BAZ1B: variants seen among roughly 807,000 people sequenced by gnomAD.
BAZ1B encodes the protein bromodomain adjacent to zinc finger domain 1B, also known as tyrosine-protein kinase BAZ1B.
In BAZ1B, 22 loss-of-function variants were observed where a neutral mutation model predicts 153.8. The observed-to-expected ratio is 0.14, with a 90% CI of 0.10 to 0.20. The LOEUF (loss-of-function observed/expected upper bound fraction) is 0.20. BAZ1B is among the 10% of genes least tolerant of loss of function. The probability of loss-of-function intolerance (pLI) is 1.00; values close to 1 mark genes in which losing one functional copy is unlikely to be tolerated. For missense variants in BAZ1B, 1,325 were observed against 1,799.3 expected (o/e 0.74, Z 4.77); for synonymous variants, 676 against 633.4 (o/e 1.07, Z -1.01).
intron 8 of BAZ1B, 126 bp downstream of exon 8, chr7:73,470,219 T>C: frequency 9.0e-7 from 1 of 1,116,086 alleles, no homozygotes; most frequent in Non-Finnish European, 1.3e-6. Flanking sequence ...TCAACAATTC[T>C]GTTTCCAAAA....
At chr7:73,488,184 G>A (rs1255720618) in intron 6 of BAZ1B, among the ~76,000 whole-genome samples, 1 of 152,138 alleles carries the variant, frequency 6.6e-6, no homozygotes, top group Non-Finnish European at 1.5e-5. Context: ...CAGCCAGTAT[G>A]CTGCGTTACA....
intron 10 of BAZ1B, 103 bp from the exon 11 acceptor site, chr7:73,465,640 A>G: frequency 1.5e-6 from 1 of 657,970 alleles, no homozygotes; most frequent in South Asian, 2.2e-5. Context: ...TTGGGAGAAC[A>G]GAATTCCAAA....
At position 73,450,109 on chromosome 7, in the gene BAZ1B, G is replaced by A. The variant is rs892072885; in HGVS notation, c.3581-420C>T. The stretch of plus-strand genomic sequence containing the variant: ...GTCACCCAGGCTGGAGTGCAGTGGC[G>A]CGATCTCGGCTCACTGCAACCTCCG... On this transcript the variant is annotated intron_variant, in intron 14 of 19. Coordinates refer to ENST00000339594, the MANE Select transcript of BAZ1B (RefSeq NM_032408.4). This position sits in a 1 kb window ranked among gnomAD's most constrained non-coding sequence, Gnocchi z 4.1. Among the ~76,000 whole-genome samples, 8 of 151,554 alleles carry A rather than the reference G, an allele frequency of 5.3e-5. No individual in the cohort carries two copies. Among genetic ancestry groups the A allele is most frequent in the Middle Eastern group, 3.4e-3 (1 of 294 alleles).
At chr7:73,508,184 T>A (rs1176723051) in intron 3 of BAZ1B, 143 bp downstream of exon 3, 3 of 882,756 alleles carry the variant, frequency 3.4e-6, no homozygotes, top group Non-Finnish European at 3.1e-6. Flanking sequence ...AACACACAAG[T>A]ATTAACGTAA....
chr7:73,516,326 T>C (rs1790797239), intron 1 of BAZ1B, among the ~76,000 whole-genome samples: 1 of 152,104 alleles, frequency 6.6e-6, no homozygotes, highest in South Asian at 2.1e-4. Context: ...GTTTTCTTTT[T>C]TCCCACCATT....
At chr7:73,454,637 A>G (rs551245187) in intron 13 of BAZ1B, among the ~76,000 whole-genome samples, 4 of 152,180 alleles carry the variant, frequency 2.6e-5, no homozygotes, top group Non-Finnish European at 5.9e-5. Flanking sequence ...TTTCAGTTCA[A>G]TCTGAACAGG....
intron 6 of BAZ1B, among the ~76,000 whole-genome samples, chr7:73,484,158 C>T (rs900999104): frequency 2.0e-5 from 3 of 151,912 alleles, no homozygotes; most frequent in Non-Finnish European, 4.4e-5. Flanking sequence ...CCCAGCTACT[C>T]GGGAGGCTGA....
chr7:73,470,543 T>C (rs1176297944), intron 7 of BAZ1B, 60 bp from the exon 8 acceptor site: 6 of 1,576,608 alleles, frequency 3.8e-6, no homozygotes, highest in Non-Finnish European at 5.2e-6. Flanking sequence ...CTCTTACAAA[T>C]TAAATAAAAT....
At chr7:73,473,583 T>C (rs1409338014) in intron 7 of BAZ1B, among the ~76,000 whole-genome samples, 1 of 152,130 alleles carries the variant, frequency 6.6e-6, no homozygotes. Context: ...AAAGTACACA[T>C]TACATATGTA....
chr7:73,517,998 T>G (rs190802584), intron 1 of BAZ1B, among the ~76,000 whole-genome samples: 2 of 152,200 alleles, frequency 1.3e-5, no homozygotes, highest in South Asian at 4.1e-4. Context: ...AACTCAAGAT[T>G]TGCTTTTTAC....
chr7:73,469,676 A>G, intron 8 of BAZ1B, 26 bp from the exon 9 acceptor site: 1 of 1,612,812 alleles, frequency 6.2e-7, no homozygotes, highest in Non-Finnish European at 8.5e-7. Context: ...AGTATTAATA[A>G]GACAGTGAAT....
intron 13 of BAZ1B, among the ~76,000 whole-genome samples, chr7:73,457,408 C>G (rs1274724318): frequency 2.0e-5 from 3 of 151,988 alleles, no homozygotes; most frequent in African/African-American, 7.3e-5. Context: ...AAACTCCTGA[C>G]CTCAGGTGAT....
rs555387836 is a variant in BAZ1B at position 73,492,605 on chromosome 7, G to C, written c.693+195C>G. Among the ~76,000 whole-genome samples the C allele has an allele frequency of 7.9e-5, 12 of 152,324 alleles. No individual in the cohort carries two copies. The South Asian group carries it at 1.2e-3, about 16-fold the overall frequency. ...CTAATTCCTATAAGAAAGAGGAAAA[G>C]CATGGTATCTTCTAGGAAAGAAAAT... On this transcript the variant is annotated intron_variant, in intron 5 of 19. Transcript: ENST00000339594.
At position 73,442,366 on chromosome 7, in the gene BAZ1B, A is replaced by T; in HGVS notation, c.4282T>A (p.Cys1428Ser). Residue 1428 changes from cysteine (C) to serine (S), a missense_variant, in exon 19 of 20, where the codon TGC becomes AGC. Cys to Ser is a moderately radical substitution (Grantham distance 112). Transcript: ENST00000339594. ...AGACACTGTTCTGTCTTCACCATGCAGCTTAGCACATGGCTGCCACGGCAG... is the reference window on the plus strand; with the variant it reads ...AGACACTGTTCTGTCTTCACCATGCTGCTTAGCACATGGCTGCCACGGCAG... The part of the protein sequence containing the change: ...YNCRGSHVLS[C>S]MVKTEQCLVA... The T allele has an allele frequency of 6.2e-7, 1 of 1,614,242 alleles. No homozygotes were observed. The highest frequency in any genetic ancestry group is 1.3e-5 in the African/African-American group (1 of 75,068).
intron 11 of BAZ1B, 106 bp downstream of exon 11, chr7:73,465,333 A>G (rs1788540855): frequency 2.8e-6 from 2 of 709,506 alleles, no homozygotes; most frequent in East Asian, 2.8e-5. Flanking sequence ...CACATTTAAA[A>G]TATTTTACTT....
At chr7:73,506,225 G>A (rs1216196695) in intron 3 of BAZ1B, among the ~76,000 whole-genome samples, 2 of 152,114 alleles carry the variant, frequency 1.3e-5, no homozygotes, top group Non-Finnish European at 2.9e-5. Flanking sequence ...AAGGCCGGGC[G>A]CACTGGCTCA....
intron 4 of BAZ1B, among the ~76,000 whole-genome samples, chr7:73,494,073 C>T (rs186741806): frequency 4.6e-5 from 7 of 152,014 alleles, no homozygotes; most frequent in Admixed American, 4.6e-4. Flanking sequence ...AACTACGGTG[C>T]ATTTTGGAAA....
At chr7:73,469,126 G>T (rs1161732752) in intron 9 of BAZ1B, among the ~76,000 whole-genome samples, 3 of 135,274 alleles carry the variant, frequency 2.2e-5, no homozygotes, top group African/African-American at 8.5e-5. Flanking sequence ...GTGAAATTCC[G>T]TCTCAAAAAA....
At chr7:73,448,292 G>A (rs371173510) in intron 15 of BAZ1B, among the ~76,000 whole-genome samples, 7 of 152,116 alleles carry the variant, frequency 4.6e-5, no homozygotes, top group East Asian at 1.9e-4. Flanking sequence ...CAACAAGAGC[G>A]AAACTCCGTC....
Sources: gnomAD v4.1 joint callset for allele counts (sites outside exome capture counted in the v4.1 genomes callset) on GRCh38, gnomAD v4.1.1 for gene constraint, Gnocchi (gnomAD v3.1) non-coding constraint, MANE v1.5 for transcripts, NCBI Gene and HGNC (gene_info 2026-07-23, HGNC 2026-07-21) for gene names.